Variants in OXR1 observed in about 807,000 individuals in gnomAD.
The protein encoded by OXR1 is oxidation resistance protein 1.
A neutral mutation model predicts 104.6 loss-of-function variants in OXR1; 41 were observed. The observed-to-expected ratio is 0.39, with a 90% CI of 0.31 to 0.51. OXR1 has a LOEUF of 0.51. Among genes scored for constraint, OXR1 ranks in the 20% least tolerant of loss-of-function variants. The pLI, the probability that OXR1 is intolerant of heterozygous loss-of-function variation, is 0.77. For missense variants in OXR1, 955 were observed against 1,031.9 expected (o/e 0.93, Z 1.02); for synonymous variants, 348 against 348.4 (o/e 1.00, Z 0.01).
intron 1 of OXR1, among the ~76,000 whole-genome samples, chr8:106,302,881 A>G (rs530830259): frequency 1.3e-5 from 2 of 151,474 alleles, no homozygotes; most frequent in African/African-American, 4.8e-5. Flanking sequence ...CCTCCCGAGT[A>G]GCTGGGACTA....
At chr8:106,391,631 T>C (rs1205896417) in intron 2 of OXR1, among the ~76,000 whole-genome samples, 1 of 152,184 alleles carries the variant, frequency 6.6e-6, no homozygotes, top group Non-Finnish European at 1.5e-5. Context: ...CACAGTTTGA[T>C]GTCCTATGAA....
intron 3 of OXR1, among the ~76,000 whole-genome samples, chr8:106,565,861 C>T (rs1817031534): frequency 6.6e-6 from 1 of 152,104 alleles, no homozygotes; most frequent in Non-Finnish European, 1.5e-5. Context: ...CTGACAAAAA[C>T]AAGCAATAGG....
chr8:106,563,648 A>G (rs547144116), intron 3 of OXR1, among the ~76,000 whole-genome samples: 1 of 152,156 alleles, frequency 6.6e-6, no homozygotes, highest in African/African-American at 2.4e-5. Context: ...CCTAATAAAC[A>G]TCTACAGAGC....
At chr8:106,427,392 C>T (rs1385695352) in intron 2 of OXR1, among the ~76,000 whole-genome samples, 2 of 152,226 alleles carry the variant, frequency 1.3e-5, no homozygotes, top group East Asian at 3.9e-4. Flanking sequence ...TGGTCTCGAT[C>T]TCCTGACCTC....
At chr8:106,705,472 C>A (rs1417757696) in intron 8 of OXR1, among the ~76,000 whole-genome samples, 1 of 152,016 alleles carries the variant, frequency 6.6e-6, no homozygotes, top group Non-Finnish European at 1.5e-5. Flanking sequence ...CAGAGATAGC[C>A]AATTATTTTT....
chr8:106,739,676 G>A (rs371468943), intron 13 of OXR1, 93 bp downstream of exon 13: 187 of 1,185,768 alleles, frequency 1.6e-4, no homozygotes, highest in African/African-American at 2.4e-4. Flanking sequence ...AAGCAACAGC[G>A]TTAATGCTAT....
At chr8:106,645,768 A>G (rs544530135) in intron 3 of OXR1, among the ~76,000 whole-genome samples, 2 of 152,162 alleles carry the variant, frequency 1.3e-5, no homozygotes, top group African/African-American at 2.4e-5. Flanking sequence ...GGGAAGAGGA[A>G]TAAGTTCTAT....
rs182847613 is a variant in OXR1, at chr8:106,581,455, G to A, written c.220+62316G>A. ...TTAGAAATTGCCAACTTTTGACTTT[G>A]AGAAAAGAATATGTGTGTTGTCAGT... On this transcript the variant is annotated intron_variant, in intron 3 of 16. Coordinates refer to ENST00000517566, the MANE Select transcript of OXR1 (RefSeq NM_001198533.2). 9.9e-5 allele frequency among the ~76,000 whole-genome samples: 15 copies of A among 151,850 alleles called. No individual in the cohort carries two copies. In the East Asian group the frequency reaches 2.5e-3, roughly 26 times the overall value.
chr8:106,291,948 C>T (rs72678527), intron 1 of OXR1, among the ~76,000 whole-genome samples: 5 of 152,270 alleles, frequency 3.3e-5, no homozygotes, highest in East Asian at 1.9e-4. Flanking sequence ...CACCCCCCAA[C>T]GGGTCCCTCC....
intron 3 of OXR1, among the ~76,000 whole-genome samples, chr8:106,633,717 A>G (rs769906912): frequency 3.9e-5 from 6 of 152,214 alleles, no homozygotes; most frequent in Non-Finnish European, 8.8e-5. Context: ...GTGTCAACTT[A>G]TAATTGCAGA....
intron 2 of OXR1, among the ~76,000 whole-genome samples, chr8:106,437,174 C>A (rs7828149): frequency 6.6e-6 from 1 of 151,640 alleles, no homozygotes; most frequent in Non-Finnish European, 1.5e-5. Flanking sequence ...CCTGTACTTC[C>A]GTTAAAAAAA....
chr8:106,636,658 T>C (rs1388242398), intron 3 of OXR1, among the ~76,000 whole-genome samples: 1 of 152,158 alleles, frequency 6.6e-6, no homozygotes, highest in Non-Finnish European at 1.5e-5. Context: ...TGGTTCTATG[T>C]TTTGGTCTAT....
intron 5 of OXR1, among the ~76,000 whole-genome samples, chr8:106,683,610 T>G (rs993685826): frequency 2.0e-5 from 3 of 152,144 alleles, no homozygotes; most frequent in African/African-American, 4.8e-5. Context: ...AAGGCATCCC[T>G]CCATCTCAAA....
intron 6 of OXR1, among the ~76,000 whole-genome samples, chr8:106,686,980 A>G (rs1424882718): frequency 2.0e-5 from 3 of 152,214 alleles, no homozygotes; most frequent in Admixed American, 6.5e-5. Context: ...GCACTTTAAA[A>G]GTATTATTTA....
intron 1 of OXR1, among the ~76,000 whole-genome samples, chr8:106,299,524 A>C (rs1268434261): frequency 6.6e-6 from 1 of 152,172 alleles, no homozygotes; most frequent in Non-Finnish European, 1.5e-5. Context: ...CAACTGTTCC[A>C]TCTGATACTA....
At chr8:106,551,157 C>A (rs1441914436) in intron 3 of OXR1, among the ~76,000 whole-genome samples, 6 of 152,172 alleles carry the variant, frequency 3.9e-5, no homozygotes, top group African/African-American at 1.4e-4. Flanking sequence ...AGAGCAGTTA[C>A]ATTTTAAAAT....
intron 2 of OXR1, among the ~76,000 whole-genome samples, chr8:106,478,488 A>T (rs890496688): frequency 6.6e-6 from 1 of 151,890 alleles, no homozygotes; most frequent in Non-Finnish European, 1.5e-5. Context: ...TCATGGTTGA[A>T]TTCTTTTGTG....
chr8:106,291,348 A>C (rs1488863615), intron 1 of OXR1, among the ~76,000 whole-genome samples: 1 of 152,188 alleles, frequency 6.6e-6, no homozygotes, highest in Non-Finnish European at 1.5e-5. Context: ...TGCTCACTAC[A>C]TGGGTGCAAC....
At chr8:106,536,644 G>T (rs1000452704) in intron 3 of OXR1, among the ~76,000 whole-genome samples, 3 of 151,920 alleles carry the variant, frequency 2.0e-5, no homozygotes, top group African/African-American at 7.3e-5. Flanking sequence ...ATTTTTGTGG[G>T]TACATTGTAG....
Sources: allele counts gnomAD v4.1 joint callset (sites outside exome capture counted in the v4.1 genomes callset), GRCh38; gene constraint gnomAD v4.1.1; transcripts MANE v1.5; gene names NCBI Gene and HGNC (gene_info 2026-07-23, HGNC 2026-07-21).